Variants in EBF3 observed in about 807,000 individuals in gnomAD.
EBF3 encodes transcription factor COE3.
EBF3 carries 18 observed loss-of-function variants against 77.1 expected under a neutral mutation model. The ratio of observed to expected loss-of-function variants is 0.23; its 90% CI spans 0.16 to 0.35. EBF3 has a LOEUF of 0.35. EBF3 is among the 10% of genes least tolerant of loss of function. The pLI, the probability that EBF3 is intolerant of heterozygous loss-of-function variation, is 1.00. For missense variants in EBF3, 558 were observed against 860.0 expected (o/e 0.65, Z 4.39); for synonymous variants, 350 against 343.5 (o/e 1.02, Z -0.21).
intron 7 of EBF3, among the ~76,000 whole-genome samples, chr10:129,876,542 C>T (rs189673937): frequency 5.9e-5 from 9 of 152,338 alleles, no homozygotes; most frequent in African/African-American, 1.7e-4. Flanking sequence ...ACCAGCTGAC[C>T]GGGCAGGCAT....
chr10:129,928,608 A>G (rs1425130354), intron 6 of EBF3, among the ~76,000 whole-genome samples: 2 of 152,190 alleles, frequency 1.3e-5, no homozygotes, highest in South Asian at 2.1e-4. Context: ...TGCTTAGGAG[A>G]TATTCCTAGA....
intron 10 of EBF3, among the ~76,000 whole-genome samples, chr10:129,862,685 G>A (rs1403854229): frequency 3.3e-5 from 5 of 152,194 alleles, no homozygotes; most frequent in Admixed American, 3.3e-4. Flanking sequence ...ACACGCATTT[G>A]TGCCATGATG....
chr10:129,878,823 CAAAAA>C (rs10654202), intron 6 of EBF3, among the ~76,000 whole-genome samples: 30 of 58,758 alleles, frequency 5.1e-4, no homozygotes, highest in Non-Finnish European at 5.3e-4. Context: ...AAATCGGTCT[CAAAAA>C]AAAAAAAAAA....
intron 6 of EBF3, among the ~76,000 whole-genome samples, chr10:129,903,167 T>C (rs1854907466): frequency 6.6e-6 from 1 of 152,222 alleles, no homozygotes; most frequent in African/African-American, 2.4e-5. Flanking sequence ...CCACTAGTAT[T>C]AGATGGAACC....
intron 12 of EBF3, 90 bp downstream of exon 12, chr10:129,843,047 G>T (rs575083039): frequency 6.2e-6 from 8 of 1,298,142 alleles, no homozygotes; most frequent in Non-Finnish European, 8.7e-6. Flanking sequence ...GCATGCTTAT[G>T]TCCAGAAAGC....
intron 6 of EBF3, among the ~76,000 whole-genome samples, chr10:129,914,743 T>C (rs1262760185): frequency 2.0e-5 from 3 of 152,108 alleles, no homozygotes; most frequent in Non-Finnish European, 4.4e-5. Flanking sequence ...TGGGAGACCC[T>C]GGGAGGCTCC....
rs895427937 is a variant in EBF3, at chr10:129,863,799, T to C, written c.1039+3342A>G. 5.9e-5 allele frequency among the ~76,000 whole-genome samples: 9 copies of C among 152,226 alleles called. No homozygotes were observed. Among genetic ancestry groups the C allele is most frequent in the African/African-American group, 2.2e-4 (9 of 41,468 alleles). On this transcript the variant is annotated intron_variant, in intron 10 of 16. Transcript: ENST00000440978. The surrounding 1 kb of genome is among the most constrained non-coding windows in gnomAD (Gnocchi z 4.0). ...AGGTCAGACAGGTCATGACCCTACCTTTCCTCTGCTCCCCAGCCTGTAGAG... is the reference window on the plus strand; with the variant it reads ...AGGTCAGACAGGTCATGACCCTACCCTTCCTCTGCTCCCCAGCCTGTAGAG...
chr10:129,876,923 C>A lies in EBF3; in HGVS notation c.636+845G>T, dbSNP rs1037436654. On this transcript the variant is annotated intron_variant, in intron 7 of 16. Transcript: ENST00000440978. The stretch of plus-strand genomic sequence containing the variant: ...CCCCACCCAGCTACCCCTCTGTATC[C>A]GTCTTTTGGATAAAATCTTCTGAGG... Among the ~76,000 whole-genome samples the A allele has an allele frequency of 1.3e-3, 170 of 134,796 alleles. 1 individual carries two copies. The highest frequency in any genetic ancestry group is 9.7e-4 in the Non-Finnish European group (62 of 64,072). 88.4% of individuals were successfully genotyped at this position (134,796 alleles called of 152,430 possible).
chr10:129,933,257 G>A (rs552408783), intron 6 of EBF3, among the ~76,000 whole-genome samples: 55 of 152,258 alleles, frequency 3.6e-4, no homozygotes, highest in Non-Finnish European at 5.7e-4. Flanking sequence ...ACAGCAAACC[G>A]CAGGGGATGC....
Position 129,962,922 on chromosome 10 carries a change from A to G in EBF3, c.355+20T>C. On this transcript the variant is annotated intron_variant, in intron 3 of 16. Coordinates refer to ENST00000440978, the MANE Select transcript of EBF3 (RefSeq NM_001375380.1). Reference sequence around the variant, plus strand: ...AGAGCCAGCCGCTGCAGGGGCGGCGAGCACGCAGCAGGCACTTACCGTTGC... The same window carrying G: ...AGAGCCAGCCGCTGCAGGGGCGGCGGGCACGCAGCAGGCACTTACCGTTGC... 1 of 1,613,480 alleles carries G rather than the reference A, an allele frequency of 6.2e-7. No individual in the cohort carries two copies. Among genetic ancestry groups the G allele is most frequent in the Non-Finnish European group, 8.5e-7 (1 of 1,179,594 alleles).
intron 6 of EBF3, among the ~76,000 whole-genome samples, chr10:129,902,929 A>G (rs2134251335): frequency 6.6e-6 from 1 of 152,354 alleles, no homozygotes; most frequent in Middle Eastern, 3.4e-3. Context: ...TTCACATCCA[A>G]GAGACGGCGG....
Position 129,864,267 on chromosome 10 carries a change from C to T in EBF3, c.1039+2874G>A, listed in dbSNP as rs775048487. Among the ~76,000 whole-genome samples the T allele has an allele frequency of 5.3e-5, 8 of 152,268 alleles. No individual in the cohort carries two copies. The Middle Eastern group carries it at 0.01, about 194-fold the overall frequency. Reference sequence around the variant, plus strand: ...GCCCCAGAGCAGCAAAAGCAGGGCCCGGCCATGCTGGGAATTGGGGGGACG... The same window carrying T: ...GCCCCAGAGCAGCAAAAGCAGGGCCTGGCCATGCTGGGAATTGGGGGGACG... On this transcript the variant is annotated intron_variant, in intron 10 of 16. Coordinates refer to ENST00000440978, the MANE Select transcript of EBF3 (RefSeq NM_001375380.1). This position sits in a 1 kb window ranked among gnomAD's most constrained non-coding sequence, Gnocchi z 4.4.
chr10:129,903,249 G>A (rs927913712), intron 6 of EBF3, among the ~76,000 whole-genome samples: 1 of 152,120 alleles, frequency 6.6e-6, no homozygotes, highest in Non-Finnish European at 1.5e-5. Flanking sequence ...TATGCAAAGT[G>A]GATATCAAAA....
chr10:129,887,579 T>C (rs554594001), intron 6 of EBF3, among the ~76,000 whole-genome samples: 2 of 152,276 alleles, frequency 1.3e-5, no homozygotes, highest in South Asian at 4.2e-4. Flanking sequence ...TGTGGAACTA[T>C]AATGCTGTTG....
intron 6 of EBF3, among the ~76,000 whole-genome samples, chr10:129,880,261 C>A (rs964922882): frequency 3.3e-5 from 5 of 152,082 alleles, no homozygotes; most frequent in Non-Finnish European, 7.4e-5. Flanking sequence ...TCAAGTCAAG[C>A]AGGTGCAGAT....
At chr10:129,930,011 A>G (rs1235666052) in intron 6 of EBF3, among the ~76,000 whole-genome samples, 1 of 152,134 alleles carries the variant, frequency 6.6e-6, no homozygotes, top group Non-Finnish European at 1.5e-5. Context: ...GGAGAGAACA[A>G]AAACAGAGGA....
chr10:129,878,914 T>C (rs950382249), intron 6 of EBF3, among the ~76,000 whole-genome samples: 5 of 151,616 alleles, frequency 3.3e-5, no homozygotes, highest in Admixed American at 1.3e-4. Context: ...AAACTGTTGC[T>C]GAGGCAGAAA....
Position 129,848,300 on chromosome 10 carries a change from C to A in EBF3, c.1128+92G>T, listed in dbSNP as rs1413184796. 16 of 1,297,924 alleles carry A rather than the reference C, an allele frequency of 1.2e-5. No homozygotes were observed. The highest frequency in any genetic ancestry group is 1.7e-5 in the Non-Finnish European group (15 of 894,174). 80.4% of individuals were successfully genotyped at this position (1,297,924 alleles called of 1,614,324 possible). ...GCACAGAGTTTGGGGAATCTGCAAT[C>A]CCCCCTTCCCAGAGCACCTGCTGCC... is the stretch of plus-strand genomic sequence containing the variant. On this transcript the variant is annotated intron_variant, in intron 11 of 16. Coordinates refer to ENST00000440978, the MANE Select transcript of EBF3 (RefSeq NM_001375380.1). This position sits in a 1 kb window ranked among gnomAD's most constrained non-coding sequence, Gnocchi z 4.4.
intron 4 of EBF3, 122 bp downstream of exon 4, chr10:129,962,049 T>C (rs1289525926): frequency 1.2e-6 from 1 of 862,664 alleles, no homozygotes; most frequent in Non-Finnish European, 1.9e-6. Flanking sequence ...CTCATTAGCA[T>C]GTCAAGGAAA....
Sources: allele counts gnomAD v4.1 joint callset (sites outside exome capture counted in the v4.1 genomes callset), GRCh38; gene constraint gnomAD v4.1.1; non-coding constraint Gnocchi (gnomAD v3.1); transcripts MANE v1.5; gene names NCBI Gene and HGNC (gene_info 2026-07-23, HGNC 2026-07-21).